The following SEPTIN12 variants were observed in gnomAD, a reference collection of about 807,000 sequenced individuals.
SEPTIN12 encodes septin-12.
A neutral mutation model predicts 37.7 loss-of-function variants in SEPTIN12; 42 were observed. The ratio of observed to expected loss-of-function variants is 1.11; its 90% CI spans 0.87 to 1.44. SEPTIN12 has a LOEUF of 1.44. Among genes scored for constraint, SEPTIN12 ranks in the 40% most tolerant of loss-of-function variants. The pLI, the probability that SEPTIN12 is intolerant of heterozygous loss-of-function variation, is 0.00. For missense variants in SEPTIN12, 613 were observed against 479.2 expected (o/e 1.28, Z -2.61); for synonymous variants, 254 against 196.7 (o/e 1.29, Z -2.44).
At chr16:4,787,927 G>C (rs1172061394) in intron 1 of SEPTIN12, 1 of 366,762 alleles carries the variant, frequency 2.7e-6, no homozygotes, top group Non-Finnish European at 5.0e-6. Context: ...CTACAGCCCA[G>C]GCAGGGGCCT....
intron 4 of SEPTIN12, among the ~76,000 whole-genome samples, chr16:4,785,481 C>G (rs1433448575): frequency 1.3e-5 from 2 of 151,830 alleles, no homozygotes; most frequent in African/African-American, 4.8e-5. Flanking sequence ...CCTTTGAGAA[C>G]CCACCACTTG....
At chr16:4,784,359 G>C (rs2082410621) in intron 4 of SEPTIN12, 5 of 391,092 alleles carry the variant, frequency 1.3e-5, no homozygotes, top group Admixed American at 3.6e-5. Flanking sequence ...GCCACAGCTG[G>C]GCCCAAACCA....
At chr16:4,778,254 A>G in intron 8 of SEPTIN12, 117 bp from the exon 9 acceptor site, 1 of 1,055,750 alleles carries the variant, frequency 9.5e-7, no homozygotes, top group Non-Finnish European at 1.4e-6. Context: ...TCTTTACCCT[A>G]TCCTGCCTTC....
At chr16:4,786,289 C>A (rs1375024205) in intron 2 of SEPTIN12, among the ~76,000 whole-genome samples, 184 bp from the exon 3 acceptor site, 1 of 151,496 alleles carries the variant, frequency 6.6e-6, no homozygotes, top group Non-Finnish European at 1.5e-5. Context: ...ATTCTCGCAC[C>A]TCGGCCTCCC....
intron 7 of SEPTIN12, 154 bp downstream of exon 7, chr16:4,783,308 C>T: frequency 3.0e-6 from 2 of 661,056 alleles, no homozygotes; most frequent in East Asian, 5.3e-5. Flanking sequence ...GCTGTTATTT[C>T]TTGCTCACCT....
chr16:4,781,925 T>G (rs1752497775), intron 7 of SEPTIN12, among the ~76,000 whole-genome samples: 1 of 126,162 alleles, frequency 7.9e-6, no homozygotes, highest in Non-Finnish European at 1.6e-5. Context: ...ATTACAGGTG[T>G]GAGCCACCGT....
In SEPTIN12 at chr16:4,779,718, G is replaced by C. The variant is rs757906213; in HGVS notation, c.795C>G (p.Gly265=). 1.2e-6 allele frequency: 2 copies of C among 1,613,206 alleles called. No homozygotes were observed. The highest frequency in any genetic ancestry group is 1.7e-6 in the Non-Finnish European group (2 of 1,179,348). Residue 265 remains glycine, a synonymous_variant, in exon 8 of 10, where the codon GGC becomes GGG. Coordinates refer to ENST00000268231, the MANE Select transcript of SEPTIN12 (RefSeq NM_144605.5). The part of the protein sequence containing the change: ...EHLVNGRCVL[G]RKTKWGIIEV... ...CAATGATGCCCCACTTGGTCTTCCG[G>C]CCCAGGACACACCTCCCGTTCACCA...
At chr16:4,790,781 C>T (rs531241968), upstream of SEPTIN12, among the ~76,000 whole-genome samples, 1 of 152,028 alleles carries the variant, frequency 6.6e-6, no homozygotes, top group Admixed American at 6.6e-5. Flanking sequence ...AGAGTAAGAC[C>T]CTAGCTCAGT....
chr16:4,785,998 G>C lies in SEPTIN12; in HGVS notation c.274C>G (p.Leu92Val), dbSNP rs1160330073. The C allele has an allele frequency of 5.0e-6, 8 of 1,613,416 alleles. No homozygotes were observed. The highest frequency in any genetic ancestry group is 6.8e-6 in the Non-Finnish European group (8 of 1,179,650). ...CACTCACCATGGGTCAGTGAATGCAGCTGCAGCGTCTGGGGTGTGGGCACC... is the reference window on the plus strand; with the variant it reads ...CACTCACCATGGGTCAGTGAATGCACCTGCAGCGTCTGGGGTGTGGGCACC... ...LGVPTPQTLQLHSLTHVIEEK... is the reference protein window; with the variant it reads ...LGVPTPQTLQVHSLTHVIEEK... Residue 92 changes from leucine (L) to valine (V), a missense_variant, in exon 3 of 10, where the codon CTG becomes GTG. Transcript: ENST00000268231.
At chr16:4,778,233 T>C in intron 8 of SEPTIN12, 96 bp from the exon 9 acceptor site, 1 of 1,275,860 alleles carries the variant, frequency 7.8e-7, no homozygotes, top group East Asian at 2.4e-5. Context: ...TTAGCCCTTT[T>C]CCCACATTTC....
intron 1 of SEPTIN12, chr16:4,787,883 G>T: frequency 1.9e-6 from 1 of 517,168 alleles, no homozygotes; most frequent in East Asian, 3.4e-5. Context: ...CATCCAGAGA[G>T]GCTCCGCTGC....
At chr16:4,784,761 C>T (rs1275134711) in intron 4 of SEPTIN12, among the ~76,000 whole-genome samples, 5 of 145,420 alleles carry the variant, frequency 3.4e-5, no homozygotes, top group Non-Finnish European at 7.5e-5. Context: ...CAGACTGAGA[C>T]ACTGTCTCTA....
upstream of SEPTIN12, among the ~76,000 whole-genome samples, chr16:4,790,712 C>T (rs553482902): frequency 6.6e-6 from 1 of 152,252 alleles, no homozygotes; most frequent in South Asian, 2.1e-4. Context: ...TAGCTTGAAC[C>T]GAGGAGGTGG....
At chr16:4,785,958 G>A (rs1367459136) in intron 3 of SEPTIN12, 22 bp downstream of exon 3, 2 of 1,611,068 alleles carry the variant, frequency 1.2e-6, no homozygotes, top group African/African-American at 1.3e-5. Context: ...GTGGGGTGAG[G>A]TGTGGGCAGG....
rs1297678473 is a variant in SEPTIN12, at chr16:4,783,702, T to G, written c.577A>C (p.Ile193Leu). The G allele has an allele frequency of 1.2e-6, 2 of 1,614,094 alleles. No individual in the cohort carries two copies. The highest frequency in any genetic ancestry group is 2.7e-5 in the African/African-American group (2 of 75,056). Residue 193 changes from isoleucine to leucine, a missense_variant, in exon 6 of 10, where the codon ATT (isoleucine) becomes CTT (leucine). Ile to Leu is a conservative substitution (Grantham distance 5). Transcript: ENST00000268231. Reference protein sequence around the residue: ...LCRTVNVVPVIARADSLTMEE... With the variant: ...LCRTVNVVPVLARADSLTMEE... ...ATGGTCAGGCTGTCGGCCCTGGCAA[T>G]CACGGGCACCACATTCACAGTCCGG...
chr16:4,781,878 A>G (rs1440367071), intron 7 of SEPTIN12, among the ~76,000 whole-genome samples: 1 of 147,302 alleles, frequency 6.8e-6, no homozygotes, highest in East Asian at 2.0e-4. Flanking sequence ...TCCCGACCTC[A>G]GGTAATCTGC....
upstream of SEPTIN12, among the ~76,000 whole-genome samples, chr16:4,790,580 C>T (rs114682935): frequency 1.4e-4 from 21 of 152,198 alleles, no homozygotes; most frequent in African/African-American, 4.3e-4. Context: ...ACTTGAGGTC[C>T]GGTTTGAGAC....
intron 9 of SEPTIN12, 44 bp from the exon 10 acceptor site, chr16:4,778,042 G>A: frequency 6.2e-7 from 1 of 1,612,948 alleles, no homozygotes; most frequent in Non-Finnish European, 8.5e-7. Context: ...GTGTCCCCAG[G>A]GCCCCTCGCC....
intron 1 of SEPTIN12, 103 bp from the exon 2 acceptor site, chr16:4,787,770 C>T (rs189450965): frequency 9.8e-6 from 6 of 611,662 alleles, no homozygotes; most frequent in East Asian, 2.7e-5. Flanking sequence ...GTTGGCCAAC[C>T]CCCTCCACAC....
Sources: allele counts gnomAD v4.1 joint callset (sites outside exome capture counted in the v4.1 genomes callset), GRCh38; gene constraint gnomAD v4.1.1; transcripts MANE v1.5; gene names NCBI Gene and HGNC (gene_info 2026-07-23, HGNC 2026-07-21).